The following PTER variants were observed in gnomAD, a reference collection of about 807,000 sequenced individuals.
The protein encoded by PTER is phosphotriesterase related.
Under a neutral mutation model 29.6 loss-of-function variants are expected in PTER, and 38 were observed. The observed-to-expected ratio is 1.28, with a 90% CI of 0.99 to 1.68. PTER has a LOEUF of 1.68. Ranked by LOEUF, PTER falls within the 40% of genes most tolerant of loss-of-function variation. The probability of loss-of-function intolerance (pLI) is 0.00; values close to 1 mark genes in which losing one functional copy is unlikely to be tolerated. For synonymous variants in PTER, 172 were observed against 154.5 expected, an observed-to-expected ratio of 1.11 and a Z score of -0.84; for missense variants, 482 against 427.8, an observed-to-expected ratio of 1.13 and a Z score of -1.12.
At chr10:16,459,432 A>G (rs1048931090) in intron 1 of PTER, among the ~76,000 whole-genome samples, 2 of 152,236 alleles carry the variant, frequency 1.3e-5, no homozygotes, top group African/African-American at 2.4e-5. Context: ...TTAAGGAATC[A>G]ATGGGGCCTT....
intron 4 of PTER, among the ~76,000 whole-genome samples, chr10:16,506,960 G>GT (rs985961540): frequency 6.6e-6 from 1 of 151,860 alleles, no homozygotes. Flanking sequence ...AAGCAAAACT[G>GT]TTTTGCGTTT....
intron 1 of PTER, among the ~76,000 whole-genome samples, chr10:16,480,907 G>A (rs542518701): frequency 3.3e-5 from 5 of 152,208 alleles, no homozygotes; most frequent in East Asian, 1.9e-4. Context: ...TTAAACATGC[G>A]TATTTTAAAT....
chr10:16,477,923 G>C (rs924259317), intron 1 of PTER, among the ~76,000 whole-genome samples: 3 of 152,178 alleles, frequency 2.0e-5, no homozygotes, highest in Admixed American at 6.5e-5. Context: ...GTTTCTGGGA[G>C]GCAACCTATG....
chr10:16,493,233 G>A (rs776566742), intron 3 of PTER, among the ~76,000 whole-genome samples: 71 of 152,164 alleles, frequency 4.7e-4, no homozygotes, highest in Admixed American at 2.6e-3. Flanking sequence ...CTGAATATTC[G>A]TGAATTAACG....
chr10:16,485,240 G>A (rs144459696), intron 2 of PTER, among the ~76,000 whole-genome samples: 190 of 152,150 alleles, frequency 1.2e-3, no homozygotes, highest in African/African-American at 4.4e-3. Context: ...ATTCACTGTA[G>A]GGTGAAACTT....
At chr10:16,486,659 A>G (rs757941675) in intron 3 of PTER, 42 bp downstream of exon 3, 1 of 1,560,710 alleles carries the variant, frequency 6.4e-7, no homozygotes, top group Non-Finnish European at 8.7e-7. Flanking sequence ...CTGCCATATA[A>G]TTAATGCATG....
chr10:16,439,054 C>T (rs1478592888), intron 1 of PTER, among the ~76,000 whole-genome samples: 3 of 151,862 alleles, frequency 2.0e-5, no homozygotes, highest in Non-Finnish European at 4.4e-5. Flanking sequence ...TTTAATTGGG[C>T]AGCCCTCAAA....
intron 1 of PTER, among the ~76,000 whole-genome samples, chr10:16,481,581 G>A (rs1232744728): frequency 6.6e-6 from 1 of 152,184 alleles, no homozygotes; most frequent in African/African-American, 2.4e-5. Flanking sequence ...GTGATCATAG[G>A]AAGTGCCAGC....
intron 1 of PTER, among the ~76,000 whole-genome samples, chr10:16,468,584 T>A (rs1348228487): frequency 6.6e-6 from 1 of 152,188 alleles, no homozygotes; most frequent in African/African-American, 2.4e-5. Flanking sequence ...GTTCGCTAAA[T>A]ACATACTGTG....
chr10:16,494,924 A>G (rs1212021937), intron 3 of PTER, among the ~76,000 whole-genome samples: 7 of 151,896 alleles, frequency 4.6e-5, no homozygotes, highest in Non-Finnish European at 1.0e-4. Flanking sequence ...ATCAAATTAG[A>G]GTATAGTAAA....
chr10:16,483,998 T>C (rs1378543645), intron 1 of PTER, among the ~76,000 whole-genome samples: 1 of 152,188 alleles, frequency 6.6e-6, no homozygotes, highest in African/African-American at 2.4e-5. Context: ...TTACTGTTGA[T>C]TTATCCAAGA....
At chr10:16,468,374 C>CT (rs5783507) in intron 1 of PTER, among the ~76,000 whole-genome samples, 485 of 148,676 alleles carry the variant, frequency 3.3e-3, no homozygotes, top group Non-Finnish European at 5.8e-3. Flanking sequence ...ATGTTTAGCT[C>CT]TTTTTTTTTT....
chr10:16,472,310 A>G (rs1403656272), intron 1 of PTER, among the ~76,000 whole-genome samples: 1 of 152,182 alleles, frequency 6.6e-6, no homozygotes, highest in Non-Finnish European at 1.5e-5. Flanking sequence ...TATGCCTCAT[A>G]CGGATTGACT....
chr10:16,481,450 A>C (rs1835477071), intron 1 of PTER, among the ~76,000 whole-genome samples: 1 of 152,226 alleles, frequency 6.6e-6, no homozygotes, highest in African/African-American at 2.4e-5. Context: ...CTCCCTGCAC[A>C]GGAAGCGTGT....
rs190517440 is a variant in PTER, at chr10:16,469,874, C to T, written c.-48-14463C>T. 8.0e-5 allele frequency among the ~76,000 whole-genome samples: 12 copies of T among 149,978 alleles called. No homozygotes were observed. In the East Asian group the frequency reaches 2.4e-3, roughly 29 times the overall value. On this transcript the variant is annotated intron_variant, in intron 1 of 4. Coordinates refer to ENST00000535784, the MANE Select transcript of PTER (RefSeq NM_001261836.2). Reference sequence around the variant, plus strand: ...GGGGTTATAGCATGAGCCACCGTGCCTGGCTGTTTTTTTTGTTTGTTTTTT... The same window carrying T: ...GGGGTTATAGCATGAGCCACCGTGCTTGGCTGTTTTTTTTGTTTGTTTTTT...
At chr10:16,464,840 AT>A (rs1235195027) in intron 1 of PTER, among the ~76,000 whole-genome samples, 1 of 152,162 alleles carries the variant, frequency 6.6e-6, no homozygotes, top group Non-Finnish European at 1.5e-5. Context: ...AGACTGGGTA[AT>A]TTATAAAGAA....
intron 3 of PTER, among the ~76,000 whole-genome samples, chr10:16,494,308 C>G (rs1238139781): frequency 6.6e-6 from 1 of 152,154 alleles, no homozygotes; most frequent in African/African-American, 2.4e-5. Flanking sequence ...TTCTCTCTTG[C>G]AGCCATCTGT....
At chr10:16,475,921 A>G (rs1173815773) in intron 1 of PTER, 1 of 152,216 alleles carries the variant, frequency 6.6e-6, no homozygotes, top group Non-Finnish European at 1.5e-5. Flanking sequence ...TTTTTGAAAG[A>G]ACAAGTTTAT....
At position 16,453,470 on chromosome 10, in the gene PTER, A is replaced by G. The variant is rs1172474095; in HGVS notation, c.-49+16423A>G. Among the ~76,000 whole-genome samples the G allele has an allele frequency of 4.6e-5, 7 of 152,182 alleles. No homozygotes were observed. The South Asian group carries it at 8.3e-4, about 18-fold the overall frequency. Reference sequence around the variant, plus strand: ...GTTGCTTAGGCAGTCAGCATCACGTATTTGAAGGCTACTATAAAGACACCA... The same window carrying G: ...GTTGCTTAGGCAGTCAGCATCACGTGTTTGAAGGCTACTATAAAGACACCA... On this transcript the variant is annotated intron_variant, in intron 1 of 4. Transcript: ENST00000535784.
Sources: allele counts gnomAD v4.1 joint callset (sites outside exome capture counted in the v4.1 genomes callset), GRCh38; gene constraint gnomAD v4.1.1; transcripts MANE v1.5; gene names NCBI Gene and HGNC (gene_info 2026-07-23, HGNC 2026-07-21).